The following OCA2 variants were observed in gnomAD, a reference collection of about 807,000 sequenced individuals.
OCA2 encodes the protein P protein.
OCA2 carries 77 observed loss-of-function variants against 100.2 expected under a neutral mutation model. That is an observed-to-expected ratio of 0.77 (90% confidence interval 0.64 to 0.93). The LOEUF is 0.93. OCA2 is among the 40% of genes least tolerant of loss of function. OCA2 has a pLI of 0.00. For synonymous variants in OCA2, 432 were observed against 439.2 expected (o/e 0.98, Z 0.21); for missense variants, 1,062 against 1,089.1 (o/e 0.98, Z 0.35).
chr15:27,777,503 C>CA (rs2032303813), intron 23 of OCA2, among the ~76,000 whole-genome samples: 1 of 152,066 alleles, frequency 6.6e-6, no homozygotes, highest in Admixed American at 6.5e-5. Context: ...AAAAACAAAC[C>CA]AAAAAATCAC....
At chr15:27,865,812 C>T (rs2036298756) in intron 21 of OCA2, among the ~76,000 whole-genome samples, 1 of 152,170 alleles carries the variant, frequency 6.6e-6, no homozygotes, top group Non-Finnish European at 1.5e-5. Context: ...CAGAGGGACG[C>T]ATGACTGCAA....
chr15:27,882,824 A>G (rs1291852582), intron 19 of OCA2, among the ~76,000 whole-genome samples: 3 of 152,214 alleles, frequency 2.0e-5, no homozygotes, highest in Admixed American at 6.5e-5. Flanking sequence ...TCCAGTAGCC[A>G]GCCACATGCT....
At position 27,957,579 on chromosome 15, in the gene OCA2, G is replaced by T. The variant is rs1301086572; in HGVS notation, c.1784+9C>A. 1 of 1,611,982 alleles carries T rather than the reference G, an allele frequency of 6.2e-7. No homozygotes were observed. The highest frequency in any genetic ancestry group is 8.5e-7 in the Non-Finnish European group (1 of 1,179,804). ...CCAAGCACAGTCTGAGCAGGACCCC[G>T]CCCGGTACCTGTGGAAGGTGTGCAG... On this transcript the variant is annotated intron_variant, in intron 16 of 23. Coordinates refer to ENST00000354638, the MANE Select transcript of OCA2 (RefSeq NM_000275.3). The surrounding 1 kb of genome is among the most constrained non-coding windows in gnomAD (Gnocchi z 4.3).
intron 23 of OCA2, among the ~76,000 whole-genome samples, chr15:27,824,617 T>TATATATATATATATATAATATA (rs1020369750): frequency 3.1e-5 from 4 of 130,114 alleles, no homozygotes; most frequent in African/African-American, 1.2e-4. Flanking sequence ...TATATATATA[T>TATATATATATATATATAATATA]ATATAATATA....
chr15:27,966,742 T>A lies in OCA2; in HGVS notation c.1584A>T (p.Arg528Ser). The part of the protein sequence containing the change: ...LVLLVCFPLL[R>S]LLYWNRKLYN... ...AAAGCTTTCTGTTCCAGTAAAGGAG[T>A]CTGAGGAGCGGAAAGCAGACCAGGA... is the stretch of plus-strand genomic sequence containing the variant. Residue 528 changes from arginine to serine, a missense_variant, in exon 15 of 24, where the codon AGA (arginine) becomes AGT (serine). Coordinates refer to ENST00000354638, the MANE Select transcript of OCA2 (RefSeq NM_000275.3). 1 of 1,613,650 alleles carries A rather than the reference T, an allele frequency of 6.2e-7. No homozygotes were observed. Among genetic ancestry groups the A allele is most frequent in the Non-Finnish European group, 8.5e-7 (1 of 1,179,978 alleles).
intron 9 of OCA2, among the ~76,000 whole-genome samples, chr15:27,997,924 T>G (rs1236179859): frequency 7.7e-6 from 1 of 129,152 alleles, no homozygotes; most frequent in Non-Finnish European, 1.8e-5. Context: ...CTAAGTATTT[T>G]ATTCTCTTTG....
At chr15:27,980,052 T>G (rs2041104970) in intron 14 of OCA2, among the ~76,000 whole-genome samples, 1 of 151,748 alleles carries the variant, frequency 6.6e-6, no homozygotes, top group African/African-American at 2.4e-5. Flanking sequence ...CAGGCTTTAT[T>G]TTATTGTTGT....
the OCA2 span, among the ~76,000 whole-genome samples, chr15:27,722,387 C>T: frequency 2.6e-5 from 4 of 152,222 alleles, no homozygotes; most frequent in South Asian, 2.1e-4. Flanking sequence ...AATGCCAGAT[C>T]GCCTTTTCCT....
intron 7 of OCA2, among the ~76,000 whole-genome samples, chr15:28,017,433 C>T (rs537790732): frequency 1.3e-5 from 2 of 152,278 alleles, no homozygotes; most frequent in African/African-American, 4.8e-5. Flanking sequence ...TCCTGCCCTT[C>T]TCCATGCAAG....
chr15:27,983,376 A>G lies in OCA2; in HGVS notation c.1472T>C (p.Ile491Thr). Residue 491 changes from isoleucine to threonine, a missense_variant, in exon 14 of 24, where the codon ATT (isoleucine) becomes ACT (threonine). By Grantham distance (89) the Ile-to-Thr change is moderately conservative (BLOSUM62 -1). Coordinates refer to ENST00000354638, the MANE Select transcript of OCA2 (RefSeq NM_000275.3). ...CCTCAGCTCTTGGTTGGAAACAATA[A>G]TGACATTTGGAGGGTCCCCGATGGC... Reference protein sequence around the residue: ...ATAIGDPPNVIIVSNQELRKM... With the variant: ...ATAIGDPPNVTIVSNQELRKM... The G allele has an allele frequency of 5.6e-6, 9 of 1,614,216 alleles. No individual in the cohort carries two copies. Among genetic ancestry groups the G allele is most frequent in the Non-Finnish European group, 7.6e-6 (9 of 1,180,040 alleles).
intron 21 of OCA2, among the ~76,000 whole-genome samples, chr15:27,866,978 C>A (rs2151477483): frequency 6.6e-6 from 1 of 152,322 alleles, no homozygotes; most frequent in South Asian, 2.1e-4. Context: ...GACTCAGCAG[C>A]CAGCGTCGGG....
intron 19 of OCA2, among the ~76,000 whole-genome samples, chr15:27,887,164 C>A (rs1048907474): frequency 6.6e-6 from 1 of 152,192 alleles, no homozygotes; most frequent in Non-Finnish European, 1.5e-5. Context: ...GCCTCCCCAG[C>A]CATGTTGACC....
intron 19 of OCA2, among the ~76,000 whole-genome samples, chr15:27,880,368 GT>G (rs926953458): frequency 5.3e-5 from 8 of 151,950 alleles, no homozygotes; most frequent in African/African-American, 1.7e-4. Flanking sequence ...TTTTAAAGTA[GT>G]TTTTTTTCCA....
chr15:28,083,614 C>T (rs1165460169), intron 1 of OCA2, among the ~76,000 whole-genome samples: 3 of 152,162 alleles, frequency 2.0e-5, no homozygotes, highest in Admixed American at 1.3e-4. Context: ...TCAATATTTG[C>T]ATTTGAAACT....
At chr15:28,079,455 G>A (rs1334155015) in intron 2 of OCA2, among the ~76,000 whole-genome samples, 1 of 152,140 alleles carries the variant, frequency 6.6e-6, no homozygotes, top group East Asian at 1.9e-4. Flanking sequence ...GGAGTGTGCT[G>A]TTTCAGGGGG....
chr15:27,725,657 G>T, the OCA2 span, among the ~76,000 whole-genome samples: 3 of 152,152 alleles, frequency 2.0e-5, no homozygotes, highest in African/African-American at 7.2e-5. Flanking sequence ...AGGTTCTGAA[G>T]CTTCTTTAAA....
chr15:27,739,119 C>T, the OCA2 span, among the ~76,000 whole-genome samples: 1 of 152,148 alleles, frequency 6.6e-6, no homozygotes, highest in Non-Finnish European at 1.5e-5. Flanking sequence ...ACATGAACTA[C>T]TTGAGTTTTC....
At chr15:27,980,661 T>G (rs1470998194) in intron 14 of OCA2, among the ~76,000 whole-genome samples, 2 of 152,240 alleles carry the variant, frequency 1.3e-5, no homozygotes, top group East Asian at 3.8e-4. Flanking sequence ...TGTAGTATTC[T>G]GAGATCACAG....
intron 19 of OCA2, among the ~76,000 whole-genome samples, chr15:27,896,986 C>T (rs1420206436): frequency 6.6e-6 from 1 of 152,014 alleles, no homozygotes; most frequent in South Asian, 2.1e-4. Flanking sequence ...GTCAGGAGAT[C>T]CAGATCATCC....
Sources: allele counts gnomAD v4.1 joint callset (sites outside exome capture counted in the v4.1 genomes callset), GRCh38; gene constraint gnomAD v4.1.1; non-coding constraint Gnocchi (gnomAD v3.1); transcripts MANE v1.5; gene names NCBI Gene and HGNC (gene_info 2026-07-23, HGNC 2026-07-21).